GCNT1: variants seen among roughly 807,000 people sequenced by gnomAD.
GCNT1 encodes the protein glucosaminyl (N-acetyl) transferase 1.
A neutral mutation model predicts 26.2 loss-of-function variants in GCNT1; 16 were observed. That is an observed-to-expected ratio of 0.61 (90% CI 0.41 to 0.93). The LOEUF (loss-of-function observed/expected upper bound fraction) is 0.93, where lower values mean the gene tolerates loss of function less well. Ranked by LOEUF, GCNT1 falls within the 40% of genes least tolerant of loss-of-function variation. GCNT1 has a pLI of 0.00. For synonymous variants in GCNT1, 183 were observed against 190.8 expected, an observed-to-expected ratio of 0.96 and a Z score of 0.34; for missense variants, 477 against 526.7, an observed-to-expected ratio of 0.91 and a Z score of 0.92.
At chr9:76,411,697 CTTT>C in the GCNT1 span, among the ~76,000 whole-genome samples, 56 of 83,646 alleles carry the variant, frequency 6.7e-4, no homozygotes, top group African/African-American at 2.6e-3. Context: ...ATCAATTATA[CTTT>C]TTTTTTTTTT....
intron 2 of GCNT1, among the ~76,000 whole-genome samples, chr9:76,498,773 CA>C (rs1169273731): frequency 0.16 from 6,137 of 39,276 alleles, 339 homozygotes; most frequent in African/African-American, 0.33. Context: ...AATTCCAGCT[CA>C]AAAAAAAAAA....
At chr9:76,434,830 TG>T (rs2131578443) in intron 1 of GCNT1, among the ~76,000 whole-genome samples, 1 of 152,244 alleles carries the variant, frequency 6.6e-6, no homozygotes, top group East Asian at 1.9e-4. Context: ...ATTGCATTCC[TG>T]GGGAGAGGTC....
intron 2 of GCNT1, among the ~76,000 whole-genome samples, chr9:76,481,892 A>G (rs1824432070): frequency 6.6e-6 from 1 of 152,196 alleles, no homozygotes; most frequent in Admixed American, 6.5e-5. Flanking sequence ...ACAGGGCAGT[A>G]TGAAGAGGGC....
chr9:76,492,786 C>T (rs956494983), intron 2 of GCNT1, among the ~76,000 whole-genome samples: 10 of 152,086 alleles, frequency 6.6e-5, no homozygotes, highest in African/African-American at 2.2e-4. Context: ...TTTCTGTCCT[C>T]TCTAAACCAG....
At chr9:76,462,070 A>G (rs986683449) in intron 2 of GCNT1, among the ~76,000 whole-genome samples, 2 of 152,114 alleles carry the variant, frequency 1.3e-5, no homozygotes, top group Non-Finnish European at 2.9e-5. Context: ...AACAGAAATT[A>G]CTACTGGAAA....
chr9:76,428,846 A>C lies in GCNT1; in HGVS notation n.38+8959A>C, dbSNP rs146962556. ...CTCCTGAGTAGCTGGGATTACAGGCATGCACCACCACACCCGGCTAATTTT... is the reference window on the plus strand; with the variant it reads ...CTCCTGAGTAGCTGGGATTACAGGCCTGCACCACCACACCCGGCTAATTTT... On this transcript the variant is annotated intron_variant and non_coding_transcript_variant, in intron 1 of 3. Coordinates refer to the GCNT1 transcript ENST00000488136. 7.8e-4 allele frequency among the ~76,000 whole-genome samples: 119 copies of C among 151,936 alleles called. No homozygotes were observed. The Middle Eastern group carries it at 0.017, about 22-fold the overall frequency.
intron 1 of GCNT1, among the ~76,000 whole-genome samples, chr9:76,423,705 A>G (rs1823228181): frequency 1.3e-5 from 2 of 152,250 alleles, no homozygotes; most frequent in Non-Finnish European, 2.9e-5. Context: ...TCAAGCTTCC[A>G]TGAGATGGGG....
intron 1 of GCNT1, among the ~76,000 whole-genome samples, chr9:76,449,418 C>G (rs1369930562): frequency 2.0e-5 from 3 of 152,200 alleles, no homozygotes; most frequent in Non-Finnish European, 4.4e-5. Flanking sequence ...CTAAAGGCAA[C>G]TGAGAAACAG....
the GCNT1 span, chr9:76,394,153 A>T: frequency 6.2e-7 from 1 of 1,608,126 alleles, no homozygotes; most frequent in Non-Finnish European, 8.5e-7. Context: ...CCCCGGCAGA[A>T]GTAAGGCAGG....
At chr9:76,493,411 C>T (rs1413601271) in intron 2 of GCNT1, among the ~76,000 whole-genome samples, 5 of 152,194 alleles carry the variant, frequency 3.3e-5, no homozygotes, top group African/African-American at 1.2e-4. Context: ...TGACATCTCT[C>T]CAAGTGAGAT....
intron 1 of GCNT1, among the ~76,000 whole-genome samples, chr9:76,429,974 A>G (rs1001845056): frequency 1.3e-5 from 2 of 152,116 alleles, no homozygotes; most frequent in Admixed American, 6.5e-5. Context: ...TCGGCCTCCC[A>G]AAGTGCTGGG....
intron 2 of GCNT1, among the ~76,000 whole-genome samples, chr9:76,466,401 C>T (rs1587428548): frequency 6.6e-6 from 1 of 152,154 alleles, no homozygotes; most frequent in Non-Finnish European, 1.5e-5. Context: ...CTCTGGGGCT[C>T]ATGCCATCCT....
At chr9:76,436,574 G>A (rs979937377) in intron 1 of GCNT1, among the ~76,000 whole-genome samples, 8 of 137,006 alleles carry the variant, frequency 5.8e-5, no homozygotes, top group Non-Finnish European at 9.2e-5. Context: ...ACTCCAGCCT[G>A]TGCGACAGAG....
At chr9:76,394,394 C>A in the GCNT1 span, 17 of 474,648 alleles carry the variant, frequency 3.6e-5, 1 homozygote, top group South Asian at 5.3e-4. Context: ...GCTGCGTCTC[C>A]GCTGGAGGGC....
At chr9:76,498,773 C>CA (rs1169273731) in intron 2 of GCNT1, among the ~76,000 whole-genome samples, 588 of 39,224 alleles carry the variant, frequency 0.015, 6 homozygotes, top group East Asian at 0.036. Context: ...AATTCCAGCT[C>CA]AAAAAAAAAA....
chr9:76,480,945 G>GA (rs201757917), intron 2 of GCNT1, among the ~76,000 whole-genome samples: 16 of 148,824 alleles, frequency 1.1e-4, no homozygotes, highest in African/African-American at 2.2e-4. Flanking sequence ...GGATTACTCA[G>GA]AAAAAAAAAA....
At chr9:76,399,270 A>G in the GCNT1 span, 6 of 1,449,870 alleles carry the variant, frequency 4.1e-6, no homozygotes, top group East Asian at 2.3e-5. Context: ...ACGATTTCCT[A>G]TGACCACCCG....
chr9:76,406,579 T>C, the GCNT1 span, among the ~76,000 whole-genome samples: 1 of 151,228 alleles, frequency 6.6e-6, no homozygotes, highest in Non-Finnish European at 1.5e-5. Context: ...CGTGCACCTG[T>C]AGTCCCAGCT....
upstream of GCNT1, among the ~76,000 whole-genome samples, chr9:76,458,146 A>G (rs1372755611): frequency 6.7e-6 from 1 of 148,494 alleles, no homozygotes; most frequent in Admixed American, 6.7e-5. Context: ...AGTGTCAAAC[A>G]TATCACAGTC....
Sources: gnomAD v4.1 joint callset for allele counts (sites outside exome capture counted in the v4.1 genomes callset) on GRCh38, gnomAD v4.1.1 for gene constraint, MANE v1.5 for transcripts, NCBI Gene and HGNC (gene_info 2026-07-23, HGNC 2026-07-21) for gene names.